The following MS4A5 variants were observed in gnomAD, a reference collection of about 807,000 sequenced individuals.
MS4A5 encodes the protein membrane spanning 4-domains A5.
MS4A5 carries 15 observed loss-of-function variants against 18.2 expected under a neutral mutation model. The ratio of observed to expected loss-of-function variants is 0.83; its 90% CI spans 0.55 to 1.27. The LOEUF is 1.27. Ranked by LOEUF, MS4A5 falls within the 50% of genes most tolerant of loss-of-function variation. MS4A5 has a pLI of 0.00. For synonymous variants in MS4A5, 89 were observed against 78.7 expected, an observed-to-expected ratio of 1.13 and a Z score of -0.69; for missense variants, 232 against 225.7, an observed-to-expected ratio of 1.03 and a Z score of -0.18.
rs1340756831 is a variant in MS4A5 at position 60,436,468 on chromosome 11, T to C, written c.492+2551T>C. On this transcript the variant is annotated intron_variant, in intron 4 of 4. Coordinates refer to ENST00000300190, the MANE Select transcript of MS4A5 (RefSeq NM_023945.3). ...GAGAGGAGGCTTCAGACGATCAAATTACTCTGAGCTATGGGAGGACATTCA... is the reference window on the plus strand; with the variant it reads ...GAGAGGAGGCTTCAGACGATCAAATCACTCTGAGCTATGGGAGGACATTCA... Among the ~76,000 whole-genome samples the C allele has an allele frequency of 1.5e-5, 2 of 137,718 alleles. 1 individual carries two copies. The highest frequency in any genetic ancestry group is 3.3e-5 in the Non-Finnish European group (2 of 60,684). 90.3% of individuals were successfully genotyped at this position (137,718 alleles called of 152,430 possible). A position where few individuals can be genotyped will look rare whatever the true frequency, so the allele number is the denominator to read the frequency against.
In MS4A5 at chr11:60,437,011, G is replaced by A. The variant is rs1408886700; in HGVS notation, c.492+3094G>A. On this transcript the variant is annotated intron_variant, in intron 4 of 4. Transcript: ENST00000300190. ...GGAAATGAAGGAAAAAATGTTAAGGGCAGCCAGAGAGAAAGGTTGGGTAAC... is the reference window on the plus strand; with the variant it reads ...GGAAATGAAGGAAAAAATGTTAAGGACAGCCAGAGAGAAAGGTTGGGTAAC... 4.4e-5 allele frequency among the ~76,000 whole-genome samples: 6 copies of A among 136,008 alleles called. No homozygotes were observed. The East Asian group carries it at 1.2e-3, about 28-fold the overall frequency. The allele number at this position is 136,008 out of a possible 152,430, so 89.2% of individuals were successfully genotyped here.
intron 4 of MS4A5, among the ~76,000 whole-genome samples, chr11:60,442,341 G>C (rs746565875): frequency 6.6e-6 from 1 of 152,082 alleles, no homozygotes; most frequent in Non-Finnish European, 1.5e-5. Flanking sequence ...CACTATCTTT[G>C]CACTTTTAAG....
intron 4 of MS4A5, among the ~76,000 whole-genome samples, chr11:60,438,697 A>G (rs1208637906): frequency 1.3e-5 from 2 of 151,964 alleles, no homozygotes; most frequent in Non-Finnish European, 2.9e-5. Flanking sequence ...ATTCCTCGAC[A>G]CATACACTGT....
chr11:60,442,312 A>G (rs2086117414), intron 4 of MS4A5, among the ~76,000 whole-genome samples: 1 of 152,262 alleles, frequency 6.6e-6, no homozygotes, highest in African/African-American at 2.4e-5. Flanking sequence ...TCACTTTTGC[A>G]GTGAGAACAC....
At chr11:60,430,770 AC>A (rs1394229808) in intron 1 of MS4A5, 25 bp from the exon 2 acceptor site, 2 of 1,606,474 alleles carry the variant, frequency 1.2e-6, no homozygotes, top group Non-Finnish European at 1.7e-6. Context: ...GCTTTTCCTC[AC>A]CATGACTTTT....
chr11:60,431,569 G>A (rs1343956286), intron 2 of MS4A5, among the ~76,000 whole-genome samples: 2 of 152,198 alleles, frequency 1.3e-5, no homozygotes, highest in African/African-American at 2.4e-5. Flanking sequence ...AGGGTGTGAT[G>A]AGGGAGAATA....
intron 4 of MS4A5, among the ~76,000 whole-genome samples, chr11:60,447,330 C>CTATGT (rs2086146078): frequency 6.6e-6 from 1 of 151,168 alleles, no homozygotes; most frequent in Non-Finnish European, 1.5e-5. Context: ...CTATGCTATG[C>CTATGT]TATGCTATGC....
chr11:60,429,898 C>G (rs2086039318), intron 1 of MS4A5, 71 bp downstream of exon 1: 1 of 1,448,328 alleles, frequency 6.9e-7, no homozygotes, highest in South Asian at 1.3e-5. Context: ...TCTGTTGGCA[C>G]ATGTTTGAAG....
At chr11:60,445,751 C>T (rs1454654271) in intron 4 of MS4A5, among the ~76,000 whole-genome samples, 1 of 151,998 alleles carries the variant, frequency 6.6e-6, no homozygotes. Context: ...ACTACAATGG[C>T]CAAACATACA....
rs765659881 is a variant in MS4A5 at position 60,433,960 on chromosome 11, T to C, written c.492+43T>C. The stretch of plus-strand genomic sequence containing the variant: ...ATAGAGTGATGAGTAAAGGGCTTAA[T>C]AGAAAATATTTATTAGCACTCAATC... On this transcript the variant is annotated intron_variant, in intron 4 of 4. Transcript: ENST00000300190. 2.6e-6 allele frequency: 4 copies of C among 1,553,746 alleles called. No individual in the cohort carries two copies. In the Admixed American group the frequency reaches 7.0e-5, roughly 27 times the overall value.
At chr11:60,446,505 A>C (rs1295548279) in intron 4 of MS4A5, among the ~76,000 whole-genome samples, 1 of 152,158 alleles carries the variant, frequency 6.6e-6, no homozygotes, top group Non-Finnish European at 1.5e-5. Context: ...TTGGGAGGCC[A>C]AGGTGGGCAG....
rs1245222328 is a variant in MS4A5, at chr11:60,436,946, A to G, written c.492+3029A>G. Among the ~76,000 whole-genome samples the G allele has an allele frequency of 4.4e-4, 55 of 125,230 alleles. 1 individual carries two copies. Among genetic ancestry groups the G allele is most frequent in the South Asian group, 1.8e-3 (7 of 3,980 alleles). 82.2% of individuals were successfully genotyped at this position (125,230 alleles called of 152,430 possible). ...ACGCCACAAAGATACTCCTCGAGAAAAGCAACTCCAAGACACATAATTGTG... is the reference window on the plus strand; with the variant it reads ...ACGCCACAAAGATACTCCTCGAGAAGAGCAACTCCAAGACACATAATTGTG... On this transcript the variant is annotated intron_variant, in intron 4 of 4. Transcript: ENST00000300190.
chr11:60,432,270 G>A, intron 2 of MS4A5, 141 bp from the exon 3 acceptor site: 1 of 470,340 alleles, frequency 2.1e-6, no homozygotes, highest in Non-Finnish European at 3.8e-6. Flanking sequence ...GTCATATAAA[G>A]CAACTCACCC....
In MS4A5 at chr11:60,432,453, AC is replaced by A; in HGVS notation, c.327del (p.Thr110GlnfsTer4). On this transcript the variant is annotated frameshift_variant, in exon 3 of 5. Coordinates refer to ENST00000300190, the MANE Select transcript of MS4A5 (RefSeq NM_023945.3). LOFTEE classifies it high-confidence loss of function. ...GAFLIAVKRK[T>X]TETLIILSRI... ...CTTCCTAATTGCAGTGAAAAGAAAA[AC>A]CACAGAAACTCTGGTGAGTTATATT... is the stretch of plus-strand genomic sequence containing the variant. The A allele has an allele frequency of 6.3e-7, 1 of 1,589,602 alleles. No homozygotes were observed. The highest frequency in any genetic ancestry group is 1.1e-5 in the South Asian group (1 of 89,530).
intron 3 of MS4A5, among the ~76,000 whole-genome samples, chr11:60,433,470 A>G (rs1408592459): frequency 6.6e-6 from 1 of 152,246 alleles, no homozygotes; most frequent in African/African-American, 2.4e-5. Context: ...GACTTTCACC[A>G]GAAAATCAAA....
At chr11:60,441,623 T>A (rs1459433148) in intron 4 of MS4A5, among the ~76,000 whole-genome samples, 7 of 42,966 alleles carry the variant, frequency 1.6e-4, no homozygotes, top group African/African-American at 3.8e-4. Context: ...ATGTCAAGAC[T>A]TGAAAAAAAA....
At chr11:60,442,184 T>G (rs1259881849) in intron 4 of MS4A5, among the ~76,000 whole-genome samples, 1 of 151,980 alleles carries the variant, frequency 6.6e-6, no homozygotes, top group Non-Finnish European at 1.5e-5. Flanking sequence ...AACTGACATT[T>G]TTAATTGACA....
At chr11:60,435,722 A>G (rs966081285) in intron 4 of MS4A5, among the ~76,000 whole-genome samples, 14 of 152,212 alleles carry the variant, frequency 9.2e-5, no homozygotes, top group Non-Finnish European at 1.6e-4. Flanking sequence ...CGCTTTTCCG[A>G]CGGGCTTAAA....
At chr11:60,430,732 T>C (rs906238148) in intron 1 of MS4A5, 64 bp from the exon 2 acceptor site, 142 of 1,581,450 alleles carry the variant, frequency 9.0e-5, no homozygotes, top group Admixed American at 4.0e-4. Context: ...AAAGAAGATA[T>C]TCTAAACAGA....
Sources: gnomAD v4.1 joint callset for allele counts (sites outside exome capture counted in the v4.1 genomes callset) on GRCh38, gnomAD v4.1.1 for gene constraint, MANE v1.5 for transcripts, NCBI Gene and HGNC (gene_info 2026-07-23, HGNC 2026-07-21) for gene names.